Variants in AASS observed in about 807,000 individuals in gnomAD.
The protein encoded by AASS is alpha-aminoadipic semialdehyde synthase, mitochondrial.
AASS carries 86 observed loss-of-function variants against 105.4 expected under a neutral mutation model. That is an observed-to-expected ratio of 0.82 (90% CI 0.69 to 0.98). The LOEUF (loss-of-function observed/expected upper bound fraction) is 0.98. AASS is among the 50% of genes least tolerant of loss of function. The pLI, the probability that AASS is intolerant of heterozygous loss-of-function variation, is 0.00. For missense variants in AASS, 1,048 were observed against 1,143.2 expected (o/e 0.92, Z 1.20); for synonymous variants, 381 against 394.8 (o/e 0.96, Z 0.41).
intron 15 of AASS, among the ~76,000 whole-genome samples, chr7:122,096,871 A>G (rs1300422757): frequency 6.6e-6 from 1 of 152,074 alleles, no homozygotes. Context: ...AATGGATTTT[A>G]TCATGTTATT....
chr7:122,083,259 A>G (rs1446313000), intron 19 of AASS, among the ~76,000 whole-genome samples: 1 of 152,210 alleles, frequency 6.6e-6, no homozygotes, highest in Admixed American at 6.5e-5. Context: ...AATATACTTC[A>G]AAGAGGAGAA....
chr7:122,095,371 T>C (rs1448873270), intron 15 of AASS, among the ~76,000 whole-genome samples: 1 of 152,160 alleles, frequency 6.6e-6, no homozygotes, highest in Non-Finnish European at 1.5e-5. Context: ...AATATGAGTG[T>C]TATAAAAATG....
chr7:122,085,980 C>A, intron 19 of AASS, 32 bp downstream of exon 19: 2 of 1,612,538 alleles, frequency 1.2e-6, no homozygotes, highest in Non-Finnish European at 1.7e-6. Context: ...TCACAACTGG[C>A]AACATGTTGA....
intron 8 of AASS, among the ~76,000 whole-genome samples, chr7:122,115,436 A>G (rs1273407042): frequency 6.6e-6 from 1 of 152,214 alleles, no homozygotes; most frequent in Non-Finnish European, 1.5e-5. Flanking sequence ...AGAGAAATAT[A>G]TGACTATAAA....
intron 4 of AASS, among the ~76,000 whole-genome samples, chr7:122,122,066 C>T (rs1795464082): frequency 6.6e-6 from 1 of 151,984 alleles, no homozygotes; most frequent in South Asian, 2.1e-4. Context: ...GTATATGGTT[C>T]CCTTTTCCCA....
chr7:122,144,081 C>A (rs375226341), intron 1 of AASS, 80 bp downstream of exon 1: 1 of 152,270 alleles, frequency 6.6e-6, no homozygotes, highest in Non-Finnish European at 1.5e-5. Flanking sequence ...GAGCCCGGCC[C>A]GCTATCTCCA....
chr7:122,116,459 G>C (rs1795179356), intron 8 of AASS, among the ~76,000 whole-genome samples, 174 bp downstream of exon 8: 1 of 152,084 alleles, frequency 6.6e-6, no homozygotes, highest in African/African-American at 2.4e-5. Flanking sequence ...CACTAAGCGA[G>C]ACTACTCCAA....
rs1322724678 is a variant in AASS, at chr7:122,074,694, G to A, written c.*1795C>T. Among the ~76,000 whole-genome samples, 2 of 152,074 alleles carry A rather than the reference G, an allele frequency of 1.3e-5. No homozygotes were observed. Among genetic ancestry groups the A allele is most frequent in the African/African-American group, 4.8e-5 (2 of 41,402 alleles). On this transcript the variant is annotated 3_prime_UTR_variant, in exon 24 of 24. Transcript: ENST00000417368. ...GTCCAATTTCATTATTTTGCATGTG[G>A]ATATCCATGTTTCCAAGCATCATTT...
intron 4 of AASS, among the ~76,000 whole-genome samples, chr7:122,125,782 A>T (rs890693088): frequency 2.3e-5 from 2 of 88,216 alleles, no homozygotes; most frequent in African/African-American, 1.0e-4. Context: ...TTTTGCTCCT[A>T]AGAGAAGTTA....
At chr7:122,141,725 G>A (rs1480213689) in intron 1 of AASS, among the ~76,000 whole-genome samples, 7 of 147,798 alleles carry the variant, frequency 4.7e-5, no homozygotes, top group East Asian at 4.0e-4. Context: ...AACAAATGTC[G>A]TGAAATATAG....
intron 18 of AASS, among the ~76,000 whole-genome samples, chr7:122,087,641 G>A (rs1793690063): frequency 6.6e-6 from 1 of 152,144 alleles, no homozygotes; most frequent in Admixed American, 6.5e-5. Context: ...GCAGGAGGAT[G>A]GCCTGAGCCC....
intron 3 of AASS, among the ~76,000 whole-genome samples, chr7:122,127,567 A>ATTATTTCCAT (rs1795713608): frequency 2.0e-5 from 3 of 152,154 alleles, no homozygotes. Context: ...TTCCTATAGT[A>ATTATTTCCAT]TTATTTCCAT....
intron 22 of AASS, among the ~76,000 whole-genome samples, chr7:122,078,520 G>A (rs1344359023): frequency 1.3e-5 from 2 of 150,114 alleles, no homozygotes; most frequent in African/African-American, 4.9e-5. Context: ...GCTGAGGCAG[G>A]AGAATCTCTT....
Position 122,074,053 on chromosome 7 carries a change from T to C in AASS, c.*2436A>G, listed in dbSNP as rs904050949. On this transcript the variant is annotated 3_prime_UTR_variant, in exon 24 of 24. Coordinates refer to ENST00000417368, the MANE Select transcript of AASS (RefSeq NM_005763.4). ...CTGCAAAGAACATCTGTGCACAAGT[T>C]TTTGTGTAGACATTTGTTTTTATAT... 6.6e-6 allele frequency among the ~76,000 whole-genome samples: 1 copy of C among 152,096 alleles called. No individual in the cohort carries two copies. The highest frequency in any genetic ancestry group is 1.5e-5 in the Non-Finnish European group (1 of 68,024).
chr7:122,085,159 A>G (rs984846430), intron 19 of AASS, among the ~76,000 whole-genome samples: 1 of 152,168 alleles, frequency 6.6e-6, no homozygotes, highest in African/African-American at 2.4e-5. Context: ...TGATGCACAA[A>G]TTGGATGGAT....
chr7:122,079,951 C>G (rs1241734275), intron 20 of AASS, among the ~76,000 whole-genome samples: 2 of 152,096 alleles, frequency 1.3e-5, no homozygotes, highest in Non-Finnish European at 2.9e-5. Context: ...GTTTTAAGAT[C>G]AACTCAACAC....
intron 2 of AASS, 41 bp from the exon 3 acceptor site, chr7:122,129,578 G>A: frequency 2.5e-6 from 4 of 1,588,894 alleles, no homozygotes; most frequent in Non-Finnish European, 3.4e-6. Flanking sequence ...ATCCTGATTT[G>A]TAATATCCAT....
chr7:122,113,308 T>A, intron 10 of AASS, 79 bp from the exon 11 acceptor site: 2 of 1,245,610 alleles, frequency 1.6e-6, no homozygotes, highest in Non-Finnish European at 2.3e-6. Flanking sequence ...TCTACTCCAC[T>A]ATATTTGCTT....
intron 1 of AASS, among the ~76,000 whole-genome samples, chr7:122,135,497 A>G (rs1796102513): frequency 1.3e-5 from 2 of 152,050 alleles, no homozygotes. Flanking sequence ...CAGTTTTCCA[A>G]CTGCTATTCA....
Sources: gnomAD v4.1 joint callset for allele counts (sites outside exome capture counted in the v4.1 genomes callset) on GRCh38, gnomAD v4.1.1 for gene constraint, MANE v1.5 for transcripts, NCBI Gene and HGNC (gene_info 2026-07-23, HGNC 2026-07-21) for gene names.